DPP10: variants seen among roughly 807,000 people sequenced by gnomAD.
The protein encoded by DPP10 is inactive dipeptidyl peptidase 10.
In DPP10, 33 loss-of-function variants were observed where a neutral mutation model predicts 120.9. The ratio of observed to expected loss-of-function variants is 0.27; its 90% CI spans 0.21 to 0.37. DPP10 has a LOEUF of 0.37. DPP10 is among the 10% of genes least tolerant of loss of function. The pLI, the probability that DPP10 is intolerant of heterozygous loss-of-function variation, is 1.00. For synonymous variants in DPP10, 337 were observed against 326.1 expected, an observed-to-expected ratio of 1.03 and a Z score of -0.36; for missense variants, 816 against 942.8, an observed-to-expected ratio of 0.87 and a Z score of 1.76.
chr2:115,556,789 G>A (rs2080243761), intron 5 of DPP10, among the ~76,000 whole-genome samples: 1 of 152,098 alleles, frequency 6.6e-6, no homozygotes, highest in South Asian at 2.1e-4. Flanking sequence ...GCATTTCAGA[G>A]CACTTTCACT....
chr2:115,096,175 A>G (rs1168401247), intron 1 of DPP10, among the ~76,000 whole-genome samples: 1 of 152,158 alleles, frequency 6.6e-6, no homozygotes, highest in Non-Finnish European at 1.5e-5. Context: ...CTTGTGGGTC[A>G]TACAATTTCT....
At chr2:115,353,881 A>C (rs556782309) in intron 3 of DPP10, among the ~76,000 whole-genome samples, 1 of 152,268 alleles carries the variant, frequency 6.6e-6, no homozygotes, top group African/African-American at 2.4e-5. Context: ...TTTTATTATC[A>C]TGAAACTAAC....
At chr2:114,732,556 A>G (rs575598075) in intron 1 of DPP10, among the ~76,000 whole-genome samples, 1 of 152,212 alleles carries the variant, frequency 6.6e-6, no homozygotes, top group Non-Finnish European at 1.5e-5. Flanking sequence ...AAGTTGCCGA[A>G]GAGTATTTTA....
chr2:115,519,404 C>T (rs2077675273), intron 4 of DPP10, among the ~76,000 whole-genome samples: 1 of 151,828 alleles, frequency 6.6e-6, no homozygotes, highest in African/African-American at 2.4e-5. Context: ...TATCAAAATG[C>T]ATGGTAACAA....
At chr2:115,188,033 CAGAG>C (rs111670003) in intron 1 of DPP10, among the ~76,000 whole-genome samples, 2,747 of 142,922 alleles carry the variant, frequency 0.019, 76 homozygotes, top group African/African-American at 0.067. Flanking sequence ...AACAGAGAGA[CAGAG>C]AGAGAGAGGG....
chr2:115,000,019 T>TC (rs1701338365), intron 1 of DPP10, among the ~76,000 whole-genome samples: 2 of 151,558 alleles, frequency 1.3e-5, no homozygotes, highest in African/African-American at 4.9e-5. Flanking sequence ...CCAATTAGTT[T>TC]TTTTTTAATT....
chr2:115,391,526 C>T (rs1479255363), intron 3 of DPP10, among the ~76,000 whole-genome samples: 1 of 152,066 alleles, frequency 6.6e-6, no homozygotes, highest in African/African-American at 2.4e-5. Flanking sequence ...AGACCTGGGT[C>T]CTCATCTGAA....
At position 114,917,930 on chromosome 2, in the gene DPP10, T is replaced by C. The variant is rs571665948; in HGVS notation, c.61-391309T>C. ...TTTCATGACAAAGACCCCAAAGCAA[T>C]GGCAACAAAAACAAAAATTGACAAA... is the stretch of plus-strand genomic sequence containing the variant. On this transcript the variant is annotated intron_variant, in intron 1 of 25. Transcript: ENST00000410059. 2.0e-5 allele frequency among the ~76,000 whole-genome samples: 3 copies of C among 152,086 alleles called. No individual in the cohort carries two copies. In the South Asian group the frequency reaches 6.2e-4, roughly 32 times the overall value.
chr2:115,144,775 C>A (rs1051502443), intron 1 of DPP10: 4 of 151,460 alleles, frequency 2.6e-5, no homozygotes, highest in Admixed American at 2.6e-4. Context: ...TGTAACTAAC[C>A]TGCACATTGT....
intron 8 of DPP10, among the ~76,000 whole-genome samples, chr2:115,735,684 ATTTTTTTTTT>A (rs70941095): frequency 1.6e-5 from 1 of 62,464 alleles, no homozygotes; most frequent in African/African-American, 7.2e-5. Context: ...CGCCCAGCTA[ATTTTTTTTTT>A]TTTTTTTTTT....
chr2:114,721,160 G>C (rs1486789173), intron 1 of DPP10, among the ~76,000 whole-genome samples: 1 of 152,182 alleles, frequency 6.6e-6, no homozygotes, highest in Non-Finnish European at 1.5e-5. Context: ...TCTAAATGAA[G>C]AAATTGGACT....
chr2:115,067,192 ATG>A (rs1295147218), intron 1 of DPP10, among the ~76,000 whole-genome samples: 1 of 151,948 alleles, frequency 6.6e-6, no homozygotes, highest in African/African-American at 2.4e-5. Context: ...CTTTAACATA[ATG>A]TTTTCTATGG....
At chr2:114,895,875 T>C (rs1364267591) in intron 1 of DPP10, among the ~76,000 whole-genome samples, 2 of 152,174 alleles carry the variant, frequency 1.3e-5, no homozygotes, top group Non-Finnish European at 2.9e-5. Context: ...TTATAAAAGT[T>C]GTAGGTCTTC....
rs907780119 is a variant in DPP10 at position 114,871,043 on chromosome 2, T to C, written c.60+428205T>C. On this transcript the variant is annotated intron_variant, in intron 1 of 25. Transcript: ENST00000410059. ...TCCCTCTGCTTTTCTTTGTCTTTATTAATTGTCCTTTGAAAGATGGTAAAT... is the reference window on the plus strand; with the variant it reads ...TCCCTCTGCTTTTCTTTGTCTTTATCAATTGTCCTTTGAAAGATGGTAAAT... 1.9e-4 allele frequency among the ~76,000 whole-genome samples: 26 copies of C among 134,916 alleles called. 3 individuals carry two copies. The highest frequency in any genetic ancestry group is 7.0e-4 in the Admixed American group (9 of 12,788). The allele number at this position is 134,916 out of a possible 152,430, so 88.5% of individuals were successfully genotyped here. A position where few individuals can be genotyped will look rare whatever the true frequency, so the allele number is the denominator to read the frequency against.
At chr2:114,868,419 G>C (rs1690411440) in intron 1 of DPP10, among the ~76,000 whole-genome samples, 1 of 152,124 alleles carries the variant, frequency 6.6e-6, no homozygotes. Flanking sequence ...CATCCGTAAG[G>C]TGTTCATTTG....
chr2:115,115,651 C>T (rs2049463356), intron 1 of DPP10, among the ~76,000 whole-genome samples: 1 of 152,060 alleles, frequency 6.6e-6, no homozygotes, highest in South Asian at 2.1e-4. Context: ...ATTACAATAC[C>T]CTGTTTATAA....
At chr2:115,630,440 A>G (rs1439745454) in intron 5 of DPP10, among the ~76,000 whole-genome samples, 2 of 152,078 alleles carry the variant, frequency 1.3e-5, no homozygotes, top group Admixed American at 6.6e-5. Flanking sequence ...TTCAAATACT[A>G]TGTTAAATAG....
intron 13 of DPP10, among the ~76,000 whole-genome samples, chr2:115,772,766 G>T (rs920059931): frequency 6.6e-6 from 1 of 152,082 alleles, no homozygotes; most frequent in Non-Finnish European, 1.5e-5. Flanking sequence ...TGCAATTCAG[G>T]CTGCAGTGAA....
rs1448750853 is a variant in DPP10 at position 114,467,693 on chromosome 2, C to T, written c.60+24855C>T. On this transcript the variant is annotated intron_variant, in intron 1 of 25. Transcript: ENST00000410059. Reference sequence around the variant, plus strand: ...TGAATCTTTCTGATTCCAATCAATGCTTTGAATTAATAATACTAGCTCCTG... The same window carrying T: ...TGAATCTTTCTGATTCCAATCAATGTTTTGAATTAATAATACTAGCTCCTG... 2.0e-5 allele frequency among the ~76,000 whole-genome samples: 3 copies of T among 152,120 alleles called. No homozygotes were observed. The East Asian group carries it at 5.8e-4, about 29-fold the overall frequency.
Sources: gnomAD v4.1 joint callset for allele counts (sites outside exome capture counted in the v4.1 genomes callset) on GRCh38, gnomAD v4.1.1 for gene constraint, MANE v1.5 for transcripts, NCBI Gene and HGNC (gene_info 2026-07-23, HGNC 2026-07-21) for gene names.